Variants in HMGA2 observed in about 807,000 individuals in gnomAD.
HMGA2 encodes the protein high mobility group protein HMGI-C.
In HMGA2, 8 loss-of-function variants were observed where a neutral mutation model predicts 19.1. That is an observed-to-expected ratio of 0.42 (90% CI 0.25 to 0.76). HMGA2 has a LOEUF of 0.76. HMGA2 is among the 30% of genes least tolerant of loss of function. The pLI is 0.28. For missense variants in HMGA2, 109 were observed against 136.3 expected (o/e 0.80, Z 1.00); for synonymous variants, 60 against 48.8 (o/e 1.23, Z -0.96).
At chr12:65,828,113 C>G in intron 2 of HMGA2, 26 bp downstream of exon 2, 2 of 1,528,130 alleles carry the variant, frequency 1.3e-6, no homozygotes, top group Admixed American at 1.7e-5. Context: ...TCAAGCTCTC[C>G]TAACTTCATC....
chr12:65,934,970 G>T (rs1258865893), intron 3 of HMGA2: 2 of 152,258 alleles, frequency 1.3e-5, no homozygotes, highest in Non-Finnish European at 2.9e-5. Context: ...GCAGCAAGTT[G>T]CAGGTGCTGG....
intron 2 of HMGA2, among the ~76,000 whole-genome samples, chr12:65,836,383 A>T (rs1411675043): frequency 1.3e-5 from 2 of 152,038 alleles, no homozygotes; most frequent in Non-Finnish European, 2.9e-5. Flanking sequence ...AAAAAAAGAA[A>T]AACTCCCTTT....
chr12:65,957,505 G>A (rs1198332066), intron 4 of HMGA2: 1 of 151,680 alleles, frequency 6.6e-6, no homozygotes, highest in Non-Finnish European at 1.5e-5. Flanking sequence ...ACCTTCTTTT[G>A]AATACTTTGT....
chr12:65,905,918 C>T (rs559727810), intron 3 of HMGA2, among the ~76,000 whole-genome samples: 3 of 152,098 alleles, frequency 2.0e-5, no homozygotes, highest in Admixed American at 6.5e-5. Flanking sequence ...ATGTATTATA[C>T]CTTGTGTAAT....
intron 3 of HMGA2, chr12:65,866,831 T>C (rs1275469624): frequency 2.2e-6 from 1 of 457,346 alleles, no homozygotes; most frequent in Admixed American, 2.3e-5. Context: ...TGTACCAAGA[T>C]TGCTTGCCAT....
intron 3 of HMGA2, among the ~76,000 whole-genome samples, chr12:65,839,330 A>T (rs1043831389): frequency 6.6e-6 from 1 of 152,106 alleles, no homozygotes; most frequent in African/African-American, 2.4e-5. Flanking sequence ...CCACTGACGG[A>T]GAAAAGAAGT....
chr12:65,854,998 G>T (rs1871659820), intron 3 of HMGA2, among the ~76,000 whole-genome samples: 1 of 152,168 alleles, frequency 6.6e-6, no homozygotes, highest in African/African-American at 2.4e-5. Flanking sequence ...TTACACTTTT[G>T]TACTGCATTC....
intron 3 of HMGA2, among the ~76,000 whole-genome samples, chr12:65,939,128 TAGAAACATAGTAGG>T (rs1875997941): frequency 6.6e-6 from 1 of 152,202 alleles, no homozygotes; most frequent in African/African-American, 2.4e-5. Flanking sequence ...TCCAGAAGAC[TAGAAACATAGTAGG>T]GACTGAGTGA....
rs34442419 is a variant in HMGA2, at chr12:65,862,276, T to TACACACAC, written c.249+23731_249+23738dup. On this transcript the variant is annotated intron_variant, in intron 3 of 4. Transcript: ENST00000403681. ...ATAACAAATTTACCAAAATGCACCA[T>TACACACAC]ACACACACACACACACACACACACA... Among the ~76,000 whole-genome samples, 178 of 144,636 alleles carry TACACACAC rather than the reference T, an allele frequency of 1.2e-3. 2 individuals are homozygous for TACACACAC. The highest frequency in any genetic ancestry group is 3.6e-3 in the African/African-American group (143 of 39,212). The allele number at this position is 144,636 out of a possible 152,430, so 94.9% of individuals were successfully genotyped here.
chr12:65,880,073 A>T (rs2121091365), intron 3 of HMGA2, among the ~76,000 whole-genome samples: 1 of 152,382 alleles, frequency 6.6e-6, no homozygotes, highest in South Asian at 2.1e-4. Context: ...GCAAGTGGTT[A>T]TAAAAAAATG....
chr12:65,952,833 T>G (rs1876502145), intron 4 of HMGA2: 1 of 166,256 alleles, frequency 6.0e-6, no homozygotes, highest in Non-Finnish European at 1.3e-5. Flanking sequence ...TTGTTAATAT[T>G]GATTCAGCCC....
intron 3 of HMGA2, among the ~76,000 whole-genome samples, chr12:65,946,796 T>A (rs1876281324): frequency 6.6e-6 from 1 of 152,192 alleles, no homozygotes; most frequent in Non-Finnish European, 1.5e-5. Flanking sequence ...AAAATCCAAA[T>A]ACTCTGTGGA....
At chr12:65,842,327 ATAGG>A in intron 3 of HMGA2, 1 of 620,738 alleles carries the variant, frequency 1.6e-6, no homozygotes, top group Non-Finnish European at 2.9e-6. Context: ...AGCATGGCAC[ATAGG>A]TAGTGCTCAG....
intron 3 of HMGA2, chr12:65,842,248 G>A (rs1871033497): frequency 3.5e-6 from 2 of 564,322 alleles, no homozygotes; most frequent in South Asian, 1.5e-5. Context: ...TTCCTCATCT[G>A]CAAAAGGTAT....
At chr12:65,876,238 G>T (rs1260442656) in intron 3 of HMGA2, among the ~76,000 whole-genome samples, 2 of 151,576 alleles carry the variant, frequency 1.3e-5, no homozygotes, top group African/African-American at 4.9e-5. Flanking sequence ...AAAAAAAAAT[G>T]TATATATAGA....
chr12:65,906,183 A>G (rs1874583732), intron 3 of HMGA2, among the ~76,000 whole-genome samples: 4 of 152,278 alleles, frequency 2.6e-5, no homozygotes, highest in South Asian at 4.1e-4. Context: ...ACCAGTTTTT[A>G]TAGTGCGTGA....
intron 3 of HMGA2, among the ~76,000 whole-genome samples, chr12:65,896,244 C>T (rs1340654774): frequency 2.6e-5 from 4 of 152,236 alleles, no homozygotes; most frequent in African/African-American, 4.8e-5. Flanking sequence ...CTCCAGAATA[C>T]CGCCCAACTG....
At chr12:65,835,511 G>A (rs139459611) in intron 2 of HMGA2, among the ~76,000 whole-genome samples, 12 of 152,298 alleles carry the variant, frequency 7.9e-5, no homozygotes, top group Admixed American at 2.6e-4. Flanking sequence ...GAACGACCAA[G>A]GAGCAAGTTT....
Position 65,833,699 on chromosome 12 carries a change from T to C in HMGA2, c.199-4820T>C, listed in dbSNP as rs182078599. Among the ~76,000 whole-genome samples the C allele has an allele frequency of 5.4e-4, 82 of 152,264 alleles. 2 individuals carry two copies. In the East Asian group the frequency reaches 0.015, roughly 27 times the overall value. On this transcript the variant is annotated intron_variant, in intron 2 of 4. Transcript: ENST00000403681. The stretch of plus-strand genomic sequence containing the variant: ...ATTTTTGAATGGCAGTTTTATTTTA[T>C]ATGGGAATAGCTCTCCAAAGAACAG...
Sources: gnomAD v4.1 joint callset for allele counts (sites outside exome capture counted in the v4.1 genomes callset) on GRCh38, gnomAD v4.1.1 for gene constraint, MANE v1.5 for transcripts, NCBI Gene and HGNC (gene_info 2026-07-23, HGNC 2026-07-21) for gene names.